Variants in NAV2 observed in about 807,000 individuals in gnomAD.
NAV2 encodes neuron navigator 2, also known as helicase, APC down-regulated 1.
Under a neutral mutation model 223.2 loss-of-function variants are expected in NAV2, and 54 were observed. The observed-to-expected ratio is 0.24, with a 90% CI of 0.19 to 0.30. The LOEUF is 0.30. NAV2 is among the 10% of genes least tolerant of loss of function. The pLI is 1.00. For missense variants in NAV2, 2,806 were observed against 3,147.5 expected, an observed-to-expected ratio of 0.89 and a Z score of 2.60; for synonymous variants, 1,279 against 1,239.3, an observed-to-expected ratio of 1.03 and a Z score of -0.67.
At chr11:19,783,386 G>A (rs941958740) in intron 1 of NAV2, among the ~76,000 whole-genome samples, 5 of 152,112 alleles carry the variant, frequency 3.3e-5, no homozygotes, top group African/African-American at 1.2e-4. Context: ...AATCAGCATG[G>A]TTGGCCTGGT....
intron 1 of NAV2, among the ~76,000 whole-genome samples, chr11:19,660,690 G>A (rs997534894): frequency 2.0e-5 from 3 of 152,096 alleles, no homozygotes; most frequent in Non-Finnish European, 4.4e-5. Flanking sequence ...AAAAGTAACA[G>A]GTAGATCTGT....
intron 10 of NAV2, among the ~76,000 whole-genome samples, chr11:19,967,865 T>C (rs1003044423): frequency 6.6e-6 from 1 of 152,170 alleles, no homozygotes; most frequent in African/African-American, 2.4e-5. Context: ...AGACTGGGTA[T>C]TGTATTCTGG....
intron 1 of NAV2, among the ~76,000 whole-genome samples, chr11:19,788,379 G>A (rs574334942): frequency 6.4e-4 from 98 of 152,316 alleles, no homozygotes; most frequent in African/African-American, 2.2e-3. Flanking sequence ...GCCAGAGCTT[G>A]AGGCATCATC....
At chr11:19,467,048 G>C (rs1366485501) in intron 1 of NAV2, among the ~76,000 whole-genome samples, 2 of 151,028 alleles carry the variant, frequency 1.3e-5, no homozygotes, top group Non-Finnish European at 3.0e-5. Context: ...GAGAGAGATA[G>C]ATAGAGAGAG....
chr11:19,696,273 T>C (rs1307339699), intron 1 of NAV2, among the ~76,000 whole-genome samples: 1 of 152,258 alleles, frequency 6.6e-6, no homozygotes, highest in African/African-American at 2.4e-5. Context: ...AGTGTTCCCA[T>C]CTGGAATTAG....
chr11:19,753,187 G>C (rs2053972685), intron 1 of NAV2, among the ~76,000 whole-genome samples: 1 of 152,142 alleles, frequency 6.6e-6, no homozygotes, highest in Admixed American at 6.6e-5. Flanking sequence ...TGTTATAGCA[G>C]TCCAAGCTGA....
chr11:19,392,984 G>A (rs916645643), intron 1 of NAV2, among the ~76,000 whole-genome samples: 1 of 152,150 alleles, frequency 6.6e-6, no homozygotes. Flanking sequence ...CCTCCCTATG[G>A]GTCTTCCAGA....
At chr11:19,688,219 T>C (rs563164708) in intron 1 of NAV2, among the ~76,000 whole-genome samples, 5 of 152,332 alleles carry the variant, frequency 3.3e-5, no homozygotes, top group Non-Finnish European at 5.9e-5. Flanking sequence ...CTGAAAACTC[T>C]TGGAGGGTTT....
rs150478906 is a variant in NAV2 at position 20,035,845 on chromosome 11, G to C, written c.2769-114G>C. Reference sequence around the variant, plus strand: ...CTGAGTCAAGAGAGCTTTGTCCGGGGCTTCATGGCACAGATTGGATCTTTT... The same window carrying C: ...CTGAGTCAAGAGAGCTTTGTCCGGGCCTTCATGGCACAGATTGGATCTTTT... On this transcript the variant is annotated intron_variant, in intron 11 of 37. Coordinates refer to ENST00000349880, the MANE Select transcript of NAV2 (RefSeq NM_145117.5). The C allele has an allele frequency of 3.3e-3, 4,071 of 1,220,438 alleles. 17 individuals are homozygous for C. The highest frequency in any genetic ancestry group is 4.2e-3 in the Non-Finnish European group (3,676 of 870,654). 75.6% of individuals were successfully genotyped at this position (1,220,438 alleles called of 1,614,324 possible). A position where few individuals can be genotyped will look rare whatever the true frequency, so the allele number is the denominator to read the frequency against.
intron 10 of NAV2, among the ~76,000 whole-genome samples, chr11:19,949,739 C>T (rs1170345406): frequency 3.9e-5 from 6 of 152,208 alleles, no homozygotes; most frequent in Admixed American, 3.9e-4. Flanking sequence ...TCCTCTGTTG[C>T]CTCCCGGCCC....
rs201926492 is a variant in NAV2, at chr11:19,930,169, CA to C, written c.932-3005del. Among the ~76,000 whole-genome samples the C allele has an allele frequency of 7.6e-3, 1,156 of 152,186 alleles. 15 individuals carry two copies. The highest frequency in any genetic ancestry group is 0.027 in the African/African-American group (1,116 of 41,500). On this transcript the variant is annotated intron_variant, in intron 6 of 37. Coordinates refer to ENST00000349880, the MANE Select transcript of NAV2 (RefSeq NM_145117.5). Reference sequence around the variant, plus strand: ...GTATGGACGGAATCCTAGTGAAGCACAACAGTAGGGGAAAATGTCATGTGAT... The same window carrying C: ...GTATGGACGGAATCCTAGTGAAGCACACAGTAGGGGAAAATGTCATGTGAT...
rs148338543 is a variant in NAV2 at position 19,913,190 on chromosome 11, A to T, written c.932-19986A>T. On this transcript the variant is annotated intron_variant, in intron 6 of 37. Transcript: ENST00000349880. Reference sequence around the variant, plus strand: ...CATTTGAAAAATAATTAGGGTACCTAATTTGATCTCATTTTCAGCAAAAGA... The same window carrying T: ...CATTTGAAAAATAATTAGGGTACCTTATTTGATCTCATTTTCAGCAAAAGA... Among the ~76,000 whole-genome samples the T allele has an allele frequency of 5.7e-4, 87 of 152,338 alleles. 1 individual carries two copies. In the South Asian group the frequency reaches 8.9e-3, roughly 16 times the overall value.
chr11:19,896,276 T>A (rs2041977322), intron 6 of NAV2, among the ~76,000 whole-genome samples: 1 of 152,192 alleles, frequency 6.6e-6, no homozygotes, highest in Non-Finnish European at 1.5e-5. Flanking sequence ...TGGAACCTTT[T>A]CATCTTGCAA....
At chr11:19,640,065 C>T (rs2047620364) in intron 1 of NAV2, among the ~76,000 whole-genome samples, 1 of 152,214 alleles carries the variant, frequency 6.6e-6, no homozygotes, top group African/African-American at 2.4e-5. Flanking sequence ...AAGAAACCTA[C>T]TAAGCAGATA....
At chr11:19,727,755 A>G (rs2051367389) in intron 1 of NAV2, among the ~76,000 whole-genome samples, 1 of 152,214 alleles carries the variant, frequency 6.6e-6, no homozygotes, top group African/African-American at 2.4e-5. Flanking sequence ...TAAAGCTGTC[A>G]CATGATCACT....
intron 5 of NAV2, among the ~76,000 whole-genome samples, chr11:19,887,425 A>G (rs1482574797): frequency 6.6e-6 from 1 of 152,100 alleles, no homozygotes; most frequent in Non-Finnish European, 1.5e-5. Flanking sequence ...GCGAAGGCCC[A>G]TCCTTACCAC....
chr11:19,701,743 T>C (rs1452710350), intron 1 of NAV2, among the ~76,000 whole-genome samples: 3 of 152,224 alleles, frequency 2.0e-5, no homozygotes, highest in East Asian at 3.8e-4. Context: ...TAAAACAATA[T>C]CTTTCTAAGC....
intron 26 of NAV2, among the ~76,000 whole-genome samples, chr11:20,089,934 C>A (rs916961977): frequency 5.9e-5 from 9 of 152,162 alleles, no homozygotes; most frequent in African/African-American, 1.7e-4. Context: ...AGATAATTAG[C>A]CAGGCTGTTG....
chr11:19,569,395 AC>A (rs2045359990), intron 1 of NAV2, among the ~76,000 whole-genome samples: 2 of 152,194 alleles, frequency 1.3e-5, no homozygotes, highest in South Asian at 4.1e-4. Flanking sequence ...ATGAGGGCAA[AC>A]GACCTTGTCT....
Sources: gnomAD v4.1 joint callset for allele counts (sites outside exome capture counted in the v4.1 genomes callset) on GRCh38, gnomAD v4.1.1 for gene constraint, MANE v1.5 for transcripts, NCBI Gene and HGNC (gene_info 2026-07-23, HGNC 2026-07-21) for gene names.